The following PBRM1 variants were observed in gnomAD, a reference collection of about 807,000 sequenced individuals.
PBRM1 encodes protein polybromo-1.
A neutral mutation model predicts 194.5 loss-of-function variants in PBRM1; 27 were observed. That is an observed-to-expected ratio of 0.14 (90% CI 0.10 to 0.19). The LOEUF is 0.19. PBRM1 is among the 10% of genes least tolerant of loss of function. The pLI, the probability that PBRM1 is intolerant of heterozygous loss-of-function variation, is 1.00. For synonymous variants in PBRM1, 655 were observed against 693.2 expected (o/e 0.94, Z 0.87); for missense variants, 1,466 against 2,077.2 (o/e 0.71, Z 5.72).
intron 7 of PBRM1, among the ~76,000 whole-genome samples, chr3:52,645,479 C>G (rs1004567103): frequency 6.6e-6 from 1 of 150,860 alleles, no homozygotes; most frequent in African/African-American, 2.4e-5. Flanking sequence ...TTTGTTCTTA[C>G]TGTAGATCTT....
At chr3:52,662,323 G>C (rs753430357) in intron 3 of PBRM1, 47 bp from the exon 5 acceptor site, 1 of 1,497,298 alleles carries the variant, frequency 6.7e-7, no homozygotes, top group Non-Finnish European at 9.0e-7. Context: ...GTAATGTATT[G>C]GAAATTAGTT....
rs1035434200 is a variant in PBRM1 at position 52,629,059 on chromosome 3, A to G, written c.1302-24T>C. 7 of 1,563,256 alleles carry G rather than the reference A, an allele frequency of 4.5e-6. No homozygotes were observed. In the South Asian group the frequency reaches 6.9e-5, roughly 15 times the overall value. On this transcript the variant is annotated intron_variant, in intron 11 of 29. Transcript: ENST00000296302. The stretch of plus-strand genomic sequence containing the variant: ...TTCTGTGAAAGACAAAGAAATTGCT[A>G]GAATTTTCTGTCATGAAAATTATGA...
intron 15 of PBRM1, among the ~76,000 whole-genome samples, chr3:52,614,616 G>A (rs1380013076): frequency 1.3e-5 from 2 of 149,340 alleles, no homozygotes; most frequent in African/African-American, 2.5e-5. Context: ...TGTCGCCCAG[G>A]CTGAAGTACA....
rs554438324 is a variant in PBRM1, at chr3:52,565,470, T to G, written c.3692-1237A>C. 3.0e-3 allele frequency among the ~76,000 whole-genome samples: 450 copies of G among 150,514 alleles called. 1 individual carries two copies. The highest frequency in any genetic ancestry group is 5.5e-3 in the Non-Finnish European group (376 of 67,776). Reference sequence around the variant, plus strand: ...CTGCAGTGAGCCAAGAGCACCCCAGTGCACTCCAGCCTGGGCAATAGAGCG... The same window carrying G: ...CTGCAGTGAGCCAAGAGCACCCCAGGGCACTCCAGCCTGGGCAATAGAGCG... On this transcript the variant is annotated intron_variant, in intron 22 of 29. Transcript: ENST00000296302.
intron 13 of PBRM1, among the ~76,000 whole-genome samples, chr3:52,619,238 T>G (rs1027301481): frequency 6.6e-5 from 10 of 152,202 alleles, no homozygotes; most frequent in African/African-American, 2.4e-4. Context: ...TCCTATAGTA[T>G]AGTCATCCCT....
rs775065185 is a variant in PBRM1, at chr3:52,609,341, C to A, written c.2539G>T (p.Val847Leu). The change falls in exon 16 of 30, where the codon GTA becomes TTA. Residue 847 changes from valine to leucine, a missense_variant. This residue lies in a region of PBRM1 where 687 missense variants were observed against 946.2 expected (regional missense o/e 0.73). Transcript: ENST00000296302. The surrounding 1 kb of genome is among the most constrained non-coding windows in gnomAD (Gnocchi z 4.1). ...TTCATCCTTCTTGCTCGTTCCAATA[C>A]TTCAAACATATGCTCTTGAAATAAA... The A allele has an allele frequency of 6.2e-7, 1 of 1,613,828 alleles. No individual in the cohort carries two copies.
At chr3:52,593,848 T>G (rs1156686504) in intron 17 of PBRM1, among the ~76,000 whole-genome samples, 1 of 152,184 alleles carries the variant, frequency 6.6e-6, no homozygotes, top group African/African-American at 2.4e-5. Flanking sequence ...TGTCCAATTG[T>G]GTGGTTGATA....
At chr3:52,620,634 G>A (rs1306922879) in intron 13 of PBRM1, among the ~76,000 whole-genome samples, 1 of 152,174 alleles carries the variant, frequency 6.6e-6, no homozygotes, top group African/African-American at 2.4e-5. Context: ...ATGGCAAGCG[G>A]TCCATTCTTC....
chr3:52,609,445 G>A lies in PBRM1; in HGVS notation c.2435C>T (p.Pro812Leu). Residue 812 changes from proline (P) to leucine (L), a missense_variant, in exon 16 of 30, where the codon CCC becomes CTC. Pro to Leu is a moderately conservative substitution (Grantham distance 98). This residue lies in a region of PBRM1 where 687 missense variants were observed against 946.2 expected (regional missense o/e 0.73). Transcript: ENST00000296302. The surrounding 1 kb of genome is among the most constrained non-coding windows in gnomAD (Gnocchi z 4.1). ...AAGGGGTGGTTTGTTAGGAAAGTTG[G>A]GATCCACAGCAGGAATTTCTGCTAA... 1 of 1,614,014 alleles carries A rather than the reference G, an allele frequency of 6.2e-7. No individual in the cohort carries two copies. The highest frequency in any genetic ancestry group is 1.3e-5 in the African/African-American group (1 of 75,020).
At chr3:52,685,114 A>G (rs1322890955) in intron 1 of PBRM1, among the ~76,000 whole-genome samples, 1 of 152,212 alleles carries the variant, frequency 6.6e-6, no homozygotes, top group African/African-American at 2.4e-5. Context: ...GAATTTCTAT[A>G]TCCACTATAC....
chr3:52,553,990 G>C (rs1376581274), intron 27 of PBRM1, among the ~76,000 whole-genome samples: 2 of 151,928 alleles, frequency 1.3e-5, no homozygotes, highest in Non-Finnish European at 2.9e-5. Context: ...TATAGAGATG[G>C]GGTCTCACCA....
chr3:52,679,588 G>T (rs1219845160), exon 1 of PBRM1: 1 of 1,613,288 alleles, frequency 6.2e-7, no homozygotes, highest in South Asian at 1.1e-5. Context: ...TCTACAGTTG[G>T]AAGATTGGAA....
At chr3:52,651,575 A>G (rs996050591) in intron 6 of PBRM1, among the ~76,000 whole-genome samples, 167 bp downstream of exon 7, 3 of 152,364 alleles carry the variant, frequency 2.0e-5, no homozygotes, top group African/African-American at 7.2e-5. Flanking sequence ...TTGTCCTAAG[A>G]TGCAATCCAA....
At chr3:52,559,857 A>AG (rs1394956711) in intron 25 of PBRM1, among the ~76,000 whole-genome samples, 1 of 151,930 alleles carries the variant, frequency 6.6e-6, no homozygotes, top group East Asian at 1.9e-4. Flanking sequence ...AAAAAAAAAA[A>AG]AAAAAATCGA....
chr3:52,590,241 CAAGAA>C (rs1234256681), intron 17 of PBRM1, among the ~76,000 whole-genome samples: 1 of 151,798 alleles, frequency 6.6e-6, no homozygotes, highest in Admixed American at 6.6e-5. Flanking sequence ...CACTTGAGGT[CAAGAA>C]GAGTTCAAGG....
At chr3:52,567,477 C>T (rs867367287) in intron 22 of PBRM1, among the ~76,000 whole-genome samples, 1 of 147,598 alleles carries the variant, frequency 6.8e-6, no homozygotes, top group Admixed American at 7.0e-5. Flanking sequence ...CACAGACTAC[C>T]CACAAAGTAG....
chr3:52,602,475 T>A (rs1311839022), intron 17 of PBRM1, among the ~76,000 whole-genome samples: 1 of 152,248 alleles, frequency 6.6e-6, no homozygotes. Flanking sequence ...TTCTTTTGCA[T>A]CTTCCCCCAC....
At chr3:52,557,919 T>G (rs1419672945) in intron 26 of PBRM1, among the ~76,000 whole-genome samples, 2 of 152,220 alleles carry the variant, frequency 1.3e-5, no homozygotes, top group African/African-American at 4.8e-5. Context: ...TGGGAGTCCC[T>G]CTAGAACAGA....
At chr3:52,601,856 C>T (rs1036810684) in intron 17 of PBRM1, among the ~76,000 whole-genome samples, 1 of 152,156 alleles carries the variant, frequency 6.6e-6, no homozygotes, top group African/African-American at 2.4e-5. Flanking sequence ...GGCCAACTCT[C>T]TGGGACCCAA....
Sources: allele counts gnomAD v4.1 joint callset (sites outside exome capture counted in the v4.1 genomes callset), GRCh38; gene constraint gnomAD v4.1.1; regional missense constraint gnomAD v4.1.1; non-coding constraint Gnocchi (gnomAD v3.1); transcripts MANE v1.5; gene names NCBI Gene and HGNC (gene_info 2026-07-23, HGNC 2026-07-21).